MLLT10: variants seen among roughly 807,000 people sequenced by gnomAD.
The protein encoded by MLLT10 is MLLT10 histone lysine methyltransferase DOT1L cofactor.
Under a neutral mutation model 129.1 loss-of-function variants are expected in MLLT10, and 30 were observed. The observed-to-expected ratio is 0.23, with a 90% CI of 0.17 to 0.32. MLLT10 has a LOEUF of 0.32. Among genes scored for constraint, MLLT10 ranks in the 10% least tolerant of loss-of-function variants. MLLT10 has a pLI of 1.00. For missense variants in MLLT10, 1,119 were observed against 1,268.3 expected (o/e 0.88, Z 1.79); for synonymous variants, 490 against 446.4 (o/e 1.10, Z -1.23).
At chr10:21,705,525 C>T (rs1441650345) in intron 13 of MLLT10, among the ~76,000 whole-genome samples, 1 of 152,158 alleles carries the variant, frequency 6.6e-6, no homozygotes, top group African/African-American at 2.4e-5. Flanking sequence ...CAGCATTGGT[C>T]ACACCGTTGC....
chr10:21,624,786 A>T, intron 8 of MLLT10: 1 of 1,092,330 alleles, frequency 9.2e-7, no homozygotes, highest in East Asian at 2.4e-5. Flanking sequence ...TGCGTCCTAC[A>T]TTGTCCCCTG....
intron 8 of MLLT10, among the ~76,000 whole-genome samples, chr10:21,626,580 A>G (rs1200961309): frequency 6.6e-6 from 1 of 152,212 alleles, no homozygotes. Flanking sequence ...ATCAGCTCTC[A>G]ATAGTGTCAC....
At chr10:21,637,327 G>C (rs1165630979) in intron 8 of MLLT10, among the ~76,000 whole-genome samples, 1 of 152,190 alleles carries the variant, frequency 6.6e-6, no homozygotes, top group East Asian at 1.9e-4. Context: ...AGGAAAAGCA[G>C]AACGTTGAAG....
chr10:21,651,294 A>G (rs1369098074), intron 8 of MLLT10, among the ~76,000 whole-genome samples: 2 of 151,548 alleles, frequency 1.3e-5, no homozygotes, highest in African/African-American at 4.9e-5. Context: ...CTGATCCTAA[A>G]CTCCTGGCCT....
At chr10:21,553,219 T>C (rs532352082) in intron 3 of MLLT10, among the ~76,000 whole-genome samples, 1 of 152,276 alleles carries the variant, frequency 6.6e-6, no homozygotes, top group South Asian at 2.1e-4. Flanking sequence ...TTTGACAGAA[T>C]ACATAGAATT....
chr10:21,611,706 TGTCA>T (rs1292864852), intron 5 of MLLT10, among the ~76,000 whole-genome samples: 1 of 152,200 alleles, frequency 6.6e-6, no homozygotes, highest in Non-Finnish European at 1.5e-5. Context: ...AAATGGAAGA[TGTCA>T]GTCAAAGTTT....
chr10:21,646,120 T>C (rs1406137658), intron 8 of MLLT10, among the ~76,000 whole-genome samples: 2 of 152,090 alleles, frequency 1.3e-5, no homozygotes, highest in East Asian at 3.9e-4. Context: ...GCATGATAAT[T>C]GCTTGAACCT....
At chr10:21,689,561 A>ATGTG (rs1390788945) in intron 13 of MLLT10, among the ~76,000 whole-genome samples, 18 of 90,146 alleles carry the variant, frequency 2.0e-4, no homozygotes, top group East Asian at 1.6e-3. Flanking sequence ...ATATATATAT[A>ATGTG]TATGTATATA....
chr10:21,537,966 T>C (rs1272899369), intron 2 of MLLT10, among the ~76,000 whole-genome samples: 1 of 152,100 alleles, frequency 6.6e-6, no homozygotes, highest in African/African-American at 2.4e-5. Flanking sequence ...ATTAAATCAT[T>C]TGGAGCATTC....
At chr10:21,672,738 C>A (rs1026258929) in intron 10 of MLLT10, among the ~76,000 whole-genome samples, 2 of 152,132 alleles carry the variant, frequency 1.3e-5, no homozygotes, top group African/African-American at 2.4e-5. Context: ...AGATTAGATT[C>A]CATATGATCA....
chr10:21,653,243 A>C (rs1041931684), intron 9 of MLLT10, among the ~76,000 whole-genome samples: 1 of 152,166 alleles, frequency 6.6e-6, no homozygotes, highest in Non-Finnish European at 1.5e-5. Context: ...TATCTGAAAG[A>C]ATCTGTTTCT....
intron 21 of MLLT10, among the ~76,000 whole-genome samples, chr10:21,736,404 C>T (rs561409852): frequency 3.3e-5 from 5 of 152,338 alleles, no homozygotes; most frequent in African/African-American, 1.2e-4. Context: ...CCTGCCTCAG[C>T]CTCCCGAGTA....
In MLLT10 at chr10:21,567,906, G is replaced by A. The variant is rs184619616; in HGVS notation, c.241-18388G>A. Among the ~76,000 whole-genome samples, 780 of 149,886 alleles carry A rather than the reference G, an allele frequency of 5.2e-3. 4 individuals are homozygous for A. Among genetic ancestry groups the A allele is most frequent in the African/African-American group, 0.018 (723 of 40,704 alleles). On this transcript the variant is annotated intron_variant, in intron 3 of 22. Coordinates refer to ENST00000307729, the MANE Select transcript of MLLT10 (RefSeq NM_001195626.3). ...GCGATCTCTGCTCACTGCAACCTCC[G>A]CCTCCCGAGTTCAAGCAATTCTCGT...
At chr10:21,553,743 G>A (rs779907695) in intron 3 of MLLT10, among the ~76,000 whole-genome samples, 28 of 150,704 alleles carry the variant, frequency 1.9e-4, no homozygotes, top group African/African-American at 6.6e-4. Flanking sequence ...TCTGCCTCCC[G>A]GGTTCAAGTA....
rs760357495 is a variant in MLLT10 at position 21,625,824 on chromosome 10, C to A, written c.699+8617C>A. ...CCACAGAAAGTGGTAAATGCCTACC[C>A]TCTATTCTGACCAGACAGTGGATCT... is the stretch of plus-strand genomic sequence containing the variant. On this transcript the variant is annotated intron_variant, in intron 8 of 22. Coordinates refer to ENST00000307729, the MANE Select transcript of MLLT10 (RefSeq NM_001195626.3). The A allele has an allele frequency of 4.0e-4, 310 of 773,314 alleles. 3 individuals are homozygous for A. In the Middle Eastern group the frequency reaches 9.6e-3, roughly 24 times the overall value. The allele number at this position is 773,314 out of a possible 1,614,324, so 47.9% of individuals were successfully genotyped here.
chr10:21,717,835 C>CTTCTCCTCT (rs2056831384), intron 14 of MLLT10, among the ~76,000 whole-genome samples: 2 of 146,628 alleles, frequency 1.4e-5, no homozygotes, highest in African/African-American at 5.1e-5. Flanking sequence ...CCTTCTCCTC[C>CTTCTCCTCT]TCCTTCTCCT....
intron 13 of MLLT10, among the ~76,000 whole-genome samples, chr10:21,701,859 G>T (rs181925216): frequency 2.6e-5 from 4 of 152,144 alleles, no homozygotes; most frequent in East Asian, 3.9e-4. Context: ...AAAGTGCTGG[G>T]GTTACAGGCG....
chr10:21,555,947 C>T (rs1160859581), intron 3 of MLLT10, among the ~76,000 whole-genome samples: 1 of 150,940 alleles, frequency 6.6e-6, no homozygotes, highest in Non-Finnish European at 1.5e-5. Flanking sequence ...GATTACAGCA[C>T]TTTTTCAAGT....
intron 5 of MLLT10, among the ~76,000 whole-genome samples, chr10:21,597,533 C>G (rs1244369574): frequency 6.6e-6 from 1 of 152,112 alleles, no homozygotes; most frequent in Non-Finnish European, 1.5e-5. Context: ...CCACATCCAG[C>G]TAATTTTTTT....
Sources: allele counts gnomAD v4.1 joint callset (sites outside exome capture counted in the v4.1 genomes callset), GRCh38; gene constraint gnomAD v4.1.1; transcripts MANE v1.5; gene names NCBI Gene and HGNC (gene_info 2026-07-23, HGNC 2026-07-21).